SYNPR: variants seen among roughly 807,000 people sequenced by gnomAD.
The protein encoded by SYNPR is synaptoporin.
SYNPR carries 23 observed loss-of-function variants against 32.9 expected under a neutral mutation model. The observed-to-expected ratio is 0.70, with a 90% CI of 0.50 to 0.99. The LOEUF (loss-of-function observed/expected upper bound fraction) is 0.99. Ranked by LOEUF, SYNPR falls within the 50% of genes least tolerant of loss-of-function variation. The pLI, the probability that SYNPR is intolerant of heterozygous loss-of-function variation, is 0.00. For missense variants in SYNPR, 318 were observed against 349.3 expected (o/e 0.91, Z 0.71); for synonymous variants, 146 against 135.9 (o/e 1.07, Z -0.52).
At chr3:63,417,735 C>T (rs528753086) in intron 2 of SYNPR, among the ~76,000 whole-genome samples, 180 of 152,350 alleles carry the variant, frequency 1.2e-3, no homozygotes, top group Non-Finnish European at 2.3e-3. Flanking sequence ...TTGGGGCTTG[C>T]ACCCTCTGAA....
chr3:63,239,955 T>A (rs1187285184), intron 1 of SYNPR, among the ~76,000 whole-genome samples: 7 of 152,136 alleles, frequency 4.6e-5, no homozygotes, highest in African/African-American at 1.7e-4. Context: ...AAATAGATTA[T>A]CAGATGGATT....
intron 4 of SYNPR, among the ~76,000 whole-genome samples, chr3:63,598,340 C>T (rs1451421441): frequency 6.6e-6 from 1 of 152,108 alleles, no homozygotes; most frequent in African/African-American, 2.4e-5. Flanking sequence ...AAGATTCATA[C>T]TATTAATTAC....
intron 2 of SYNPR, among the ~76,000 whole-genome samples, chr3:63,436,177 C>A (rs932137299): frequency 6.6e-6 from 1 of 151,646 alleles, no homozygotes; most frequent in Non-Finnish European, 1.5e-5. Context: ...CGTGAGCCCC[C>A]AGGTGAGTTT....
chr3:63,585,892 C>A (rs1427327464), intron 4 of SYNPR, among the ~76,000 whole-genome samples: 1 of 152,000 alleles, frequency 6.6e-6, no homozygotes, highest in East Asian at 1.9e-4. Flanking sequence ...CATAACTGAG[C>A]CTAGAACCCA....
At chr3:63,313,720 T>TATATATATCC (rs2086997057) in intron 2 of SYNPR, among the ~76,000 whole-genome samples, 1 of 51,106 alleles carries the variant, frequency 2.0e-5, no homozygotes, top group African/African-American at 9.4e-5. Context: ...TATATATCCA[T>TATATATATCC]ATATATATAT....
intron 2 of SYNPR, among the ~76,000 whole-genome samples, chr3:63,255,533 T>C (rs1327743574): frequency 6.6e-6 from 1 of 152,168 alleles, no homozygotes; most frequent in Non-Finnish European, 1.5e-5. Context: ...ATGGGCAAAA[T>C]GTGAAGTAAC....
chr3:63,405,728 T>G (rs991374322), intron 2 of SYNPR, among the ~76,000 whole-genome samples: 1 of 152,140 alleles, frequency 6.6e-6, no homozygotes, highest in African/African-American at 2.4e-5. Context: ...ATTGCAAGAT[T>G]CTGAGTCAGA....
chr3:63,378,037 T>C (rs1275594933), intron 2 of SYNPR, among the ~76,000 whole-genome samples: 3 of 151,838 alleles, frequency 2.0e-5, no homozygotes, highest in Non-Finnish European at 4.4e-5. Context: ...AGAAAGAAAA[T>C]TGTATAATAT....
chr3:63,319,595 C>A (rs776134774), intron 2 of SYNPR, among the ~76,000 whole-genome samples: 2 of 151,714 alleles, frequency 1.3e-5, no homozygotes, highest in Admixed American at 6.6e-5. Flanking sequence ...ACAATGAAAA[C>A]TGTAAGACAT....
At chr3:63,396,939 C>T (rs113392739) in intron 2 of SYNPR, among the ~76,000 whole-genome samples, 3,400 of 152,022 alleles carry the variant, frequency 0.022, 135 homozygotes, top group African/African-American at 0.076. Flanking sequence ...CCCGTCTCTA[C>T]TAAAAATACA....
chr3:63,313,381 A>G (rs2086989975), intron 2 of SYNPR, among the ~76,000 whole-genome samples: 2 of 151,556 alleles, frequency 1.3e-5, no homozygotes, highest in Non-Finnish European at 2.9e-5. Flanking sequence ...TCTTTCCTCC[A>G]GGTCCCCAAA....
intron 3 of SYNPR, among the ~76,000 whole-genome samples, chr3:63,512,107 T>G (rs1241337244): frequency 6.6e-6 from 1 of 152,132 alleles, no homozygotes; most frequent in African/African-American, 2.4e-5. Flanking sequence ...ATTCAAAATT[T>G]TATAAACAAA....
chr3:63,596,041 A>G (rs1699955027), intron 4 of SYNPR, among the ~76,000 whole-genome samples: 1 of 147,126 alleles, frequency 6.8e-6, no homozygotes. Flanking sequence ...CATGTGCACA[A>G]TGTGCAGGTT....
At chr3:63,550,949 T>TTTATTCCCCC (rs1404638915) in intron 3 of SYNPR, among the ~76,000 whole-genome samples, 3 of 152,186 alleles carry the variant, frequency 2.0e-5, no homozygotes, top group Non-Finnish European at 4.4e-5. Flanking sequence ...CAGGCCACAT[T>TTTATTCCCCC]TTATTCCCCC....
At chr3:63,596,490 C>G (rs1442423731) in intron 4 of SYNPR, among the ~76,000 whole-genome samples, 1 of 151,972 alleles carries the variant, frequency 6.6e-6, no homozygotes. Flanking sequence ...GCCTTTCCCC[C>G]AACACCTAAC....
chr3:63,389,711 G>A (rs1054486509), intron 2 of SYNPR, among the ~76,000 whole-genome samples: 2 of 152,176 alleles, frequency 1.3e-5, no homozygotes, highest in Admixed American at 6.5e-5. Context: ...CCATAAAATG[G>A]ATAAACGAAT....
chr3:63,308,179 T>C (rs2086927269), intron 2 of SYNPR, among the ~76,000 whole-genome samples: 1 of 152,060 alleles, frequency 6.6e-6, no homozygotes, highest in Non-Finnish European at 1.5e-5. Flanking sequence ...TTTGTAATTG[T>C]TGGAACTTTT....
chr3:63,582,083 C>A (rs148962031), intron 4 of SYNPR, among the ~76,000 whole-genome samples: 7 of 149,814 alleles, frequency 4.7e-5, no homozygotes, highest in African/African-American at 1.7e-4. Flanking sequence ...CAAGATGTTG[C>A]ATACTTACCT....
chr3:63,434,717 G>A (rs74326969), intron 2 of SYNPR, among the ~76,000 whole-genome samples: 1 of 152,190 alleles, frequency 6.6e-6, no homozygotes, highest in East Asian at 1.9e-4. Context: ...TTTAAGAAAT[G>A]TGTGTTAGGA....
Sources: allele counts gnomAD v4.1 joint callset (sites outside exome capture counted in the v4.1 genomes callset), GRCh38; gene constraint gnomAD v4.1.1; transcripts MANE v1.5; gene names NCBI Gene and HGNC (gene_info 2026-07-23, HGNC 2026-07-21).